SCAF8: variants seen among roughly 807,000 people sequenced by gnomAD.
The protein encoded by SCAF8 is SR-related and CTD-associated factor 8.
Under a neutral mutation model 140.5 loss-of-function variants are expected in SCAF8, and 23 were observed. The observed-to-expected ratio is 0.16, with a 90% CI of 0.12 to 0.23. SCAF8 has a LOEUF of 0.23. Among genes scored for constraint, SCAF8 ranks in the 10% least tolerant of loss-of-function variants. SCAF8 has a pLI of 1.00. For missense variants in SCAF8, 1,397 were observed against 1,555.7 expected, an observed-to-expected ratio of 0.90 and a Z score of 1.72; for synonymous variants, 575 against 528.9, an observed-to-expected ratio of 1.09 and a Z score of -1.20.
chr6:154,803,402 AT>A (rs1777825490), intron 7 of SCAF8, 141 bp from the exon 8 acceptor site: 1 of 667,540 alleles, frequency 1.5e-6, no homozygotes. Context: ...ACACTTTATA[AT>A]AGTATAAAGT....
chr6:154,736,026 A>G (rs553878161), intron 1 of SCAF8, among the ~76,000 whole-genome samples: 70 of 151,736 alleles, frequency 4.6e-4, no homozygotes, highest in African/African-American at 1.7e-3. Flanking sequence ...AGGTCTTGTT[A>G]TGTTGCCCAG....
intron 13 of SCAF8, 54 bp from the exon 14 acceptor site, chr6:154,818,425 A>G (rs1778317963): frequency 1.9e-5 from 17 of 884,080 alleles, no homozygotes; most frequent in Non-Finnish European, 2.8e-5. Context: ...ACCATAAAAT[A>G]CCAGAATGAG....
At chr6:154,801,735 A>T (rs1245888334) in intron 6 of SCAF8, among the ~76,000 whole-genome samples, 2 of 151,530 alleles carry the variant, frequency 1.3e-5, no homozygotes, top group Non-Finnish European at 3.0e-5. Context: ...TCTGGTTGTC[A>T]CAGATCACTT....
Position 154,815,780 on chromosome 6 carries a change from C to T in SCAF8, c.1485C>T (p.Asn495=), listed in dbSNP as rs1322620792. The part of the protein sequence containing the change: ...DKKATQQDLT[N]LFEEFGQIES... The stretch of plus-strand genomic sequence containing the variant: ...AGGCAACACAGCAAGACTTAACCAA[C>T]CTGTTTGAAGAGTTTGGACAGATTG... The change falls in exon 13 of 20, where the codon AAC becomes AAT. Residue 495 remains asparagine, a synonymous_variant. Transcript: ENST00000367178. 20 of 1,612,426 alleles carry T rather than the reference C, an allele frequency of 1.2e-5. No individual in the cohort carries two copies. Among genetic ancestry groups the T allele is most frequent in the Admixed American group, 1.7e-5 (1 of 59,978 alleles).
Position 154,799,478 on chromosome 6 carries a change from C to T in SCAF8, c.607-2493C>T, listed in dbSNP as rs561993567. Among the ~76,000 whole-genome samples, 6 of 151,276 alleles carry T rather than the reference C, an allele frequency of 4.0e-5. No homozygotes were observed. The South Asian group carries it at 1.0e-3, about 26-fold the overall frequency. ...ATGTTCTCAGTTTGACCTATTGTTC[C>T]CTTCCCAACATTTTCTATCACCAGT... On this transcript the variant is annotated intron_variant, in intron 6 of 19. Transcript: ENST00000367178.
chr6:154,809,944 C>A, intron 11 of SCAF8, 71 bp from the exon 12 acceptor site: 1 of 1,207,732 alleles, frequency 8.3e-7, no homozygotes, highest in Non-Finnish European at 1.2e-6. Flanking sequence ...TGTTTTTTCC[C>A]TCACTTAGAA....
Position 154,740,620 on chromosome 6 carries a change from T to G in SCAF8, c.30+6690T>G, listed in dbSNP as rs554181102. Among the ~76,000 whole-genome samples the G allele has an allele frequency of 1.7e-4, 19 of 112,736 alleles. No individual in the cohort carries two copies. The South Asian group carries it at 6.5e-3, about 39-fold the overall frequency. 74.0% of individuals were successfully genotyped at this position (112,736 alleles called of 152,430 possible). ...AGTAAAGATTTTCTTTTTCTTTTTC[T>G]TTTTCTTTTTTTTTTTTTTGAGACT... On this transcript the variant is annotated intron_variant, in intron 1 of 19. Transcript: ENST00000367178.
chr6:154,751,535 C>T (rs551023071), intron 1 of SCAF8, among the ~76,000 whole-genome samples: 55 of 152,106 alleles, frequency 3.6e-4, no homozygotes, highest in African/African-American at 1.1e-3. Flanking sequence ...GCCAAAACTA[C>T]GAATTTTAGA....
intron 12 of SCAF8, among the ~76,000 whole-genome samples, chr6:154,813,968 A>G (rs1158244653): frequency 1.3e-5 from 2 of 152,244 alleles, no homozygotes; most frequent in East Asian, 3.8e-4. Context: ...GCTGACCCAT[A>G]GTAGATCTTC....
intron 15 of SCAF8, among the ~76,000 whole-genome samples, chr6:154,821,401 A>G (rs1377395369): frequency 6.6e-6 from 1 of 152,060 alleles, no homozygotes; most frequent in Non-Finnish European, 1.5e-5. Context: ...CACATGACCC[A>G]TAAAGCCTCA....
At chr6:154,807,590 A>G (rs1484557226) in intron 9 of SCAF8, among the ~76,000 whole-genome samples, 1 of 152,172 alleles carries the variant, frequency 6.6e-6, no homozygotes, top group Non-Finnish European at 1.5e-5. Flanking sequence ...CATCTTGGCC[A>G]GGCTGGTCTT....
At chr6:154,813,085 T>A (rs1274362111) in intron 12 of SCAF8, among the ~76,000 whole-genome samples, 2 of 150,834 alleles carry the variant, frequency 1.3e-5, no homozygotes, top group African/African-American at 4.9e-5. Context: ...CACACTTCTG[T>A]AGTCCCAGCT....
At chr6:154,796,617 T>A (rs1456560293) in intron 6 of SCAF8, among the ~76,000 whole-genome samples, 1 of 152,136 alleles carries the variant, frequency 6.6e-6, no homozygotes, top group Non-Finnish European at 1.5e-5. Flanking sequence ...CCTTTTTCTG[T>A]ATTCTGTGCA....
intron 12 of SCAF8, among the ~76,000 whole-genome samples, chr6:154,810,683 C>G (rs565584161): frequency 6.6e-6 from 1 of 152,114 alleles, no homozygotes; most frequent in Admixed American, 6.5e-5. Flanking sequence ...TAGTCAATTA[C>G]GTATGATTAG....
intron 12 of SCAF8, among the ~76,000 whole-genome samples, chr6:154,810,833 A>G (rs1427323948): frequency 6.6e-6 from 1 of 152,152 alleles, no homozygotes; most frequent in Non-Finnish European, 1.5e-5. Flanking sequence ...TATGACTTTT[A>G]AGATGAACTA....
chr6:154,744,608 A>C (rs1257457265), intron 1 of SCAF8, among the ~76,000 whole-genome samples: 1 of 152,226 alleles, frequency 6.6e-6, no homozygotes, highest in Non-Finnish European at 1.5e-5. Context: ...TAAGCATTAG[A>C]GCAGGGATTA....
At chr6:154,809,990 G>A in intron 11 of SCAF8, 25 bp from the exon 12 acceptor site, 2 of 1,561,740 alleles carry the variant, frequency 1.3e-6, no homozygotes, top group Non-Finnish European at 1.7e-6. Context: ...ATTGTCATTA[G>A]AAGTAAAATG....
intron 15 of SCAF8, among the ~76,000 whole-genome samples, chr6:154,821,593 G>A (rs1778424051): frequency 6.6e-6 from 1 of 152,178 alleles, no homozygotes; most frequent in Admixed American, 6.5e-5. Context: ...GGTTGTAGAA[G>A]ATCTGATGGA....
intron 12 of SCAF8, among the ~76,000 whole-genome samples, chr6:154,814,034 C>T (rs1455162316): frequency 6.6e-6 from 1 of 152,210 alleles, no homozygotes; most frequent in Non-Finnish European, 1.5e-5. Context: ...TTTGTTATAG[C>T]AGCAATAAAA....
Sources: gnomAD v4.1 joint callset for allele counts (sites outside exome capture counted in the v4.1 genomes callset) on GRCh38, gnomAD v4.1.1 for gene constraint, MANE v1.5 for transcripts, NCBI Gene and HGNC (gene_info 2026-07-23, HGNC 2026-07-21) for gene names.